Variants in ANKRD29 observed in about 807,000 individuals in gnomAD.
ANKRD29 encodes ankyrin repeat domain-containing protein 29.
Under a neutral mutation model 38.0 loss-of-function variants are expected in ANKRD29, and 32 were observed. The ratio of observed to expected loss-of-function variants is 0.84; its 90% confidence interval spans 0.64 to 1.13. The LOEUF is 1.13. Ranked by LOEUF, ANKRD29 falls within the 50% of genes most tolerant of loss-of-function variation. The pLI is 0.00. For synonymous variants in ANKRD29, 135 were observed against 152.4 expected (o/e 0.89, Z 0.84); for missense variants, 357 against 377.9 (o/e 0.94, Z 0.46).
In ANKRD29 at chr18:23,619,219, A is replaced by C. The variant is rs73967125; in HGVS notation, c.627+312T>G. On this transcript the variant is annotated intron_variant, in intron 7 of 9. Transcript: ENST00000592179. ...GCAGCACCAGCCAGGGGATCCCCCT[A>C]GGACACGCCCCAGGACAGCCGGGAG... 3.8e-3 allele frequency among the ~76,000 whole-genome samples: 571 copies of C among 152,242 alleles called. 5 individuals carry two copies. Among genetic ancestry groups the C allele is most frequent in the African/African-American group, 0.013 (546 of 41,566 alleles).
At chr18:23,646,382 GA>G in intron 2 of ANKRD29, 95 bp from the exon 3 acceptor site, 1 of 1,093,936 alleles carries the variant, frequency 9.1e-7, no homozygotes, top group Non-Finnish European at 1.3e-6. Flanking sequence ...GCTCCACTCA[GA>G]ACACATCCAA....
In ANKRD29 at chr18:23,601,174, T is replaced by C; in HGVS notation, c.*52A>G. ...CAACACTGCTTGAAATGCAATTTCTTTTTGGACAATGTGGTTAAGCTTTCT... is the reference window on the plus strand; with the variant it reads ...CAACACTGCTTGAAATGCAATTTCTCTTTGGACAATGTGGTTAAGCTTTCT... On this transcript the variant is annotated 3_prime_UTR_variant, in exon 10 of 10. Transcript: ENST00000592179. The C allele has an allele frequency of 1.3e-6, 2 of 1,526,224 alleles. No individual in the cohort carries two copies. The highest frequency in any genetic ancestry group is 1.8e-6 in the Non-Finnish European group (2 of 1,109,628). 94.5% of individuals were successfully genotyped at this position (1,526,224 alleles called of 1,614,324 possible). A position where few individuals can be genotyped will look rare whatever the true frequency, so the allele number is the denominator to read the frequency against.
chr18:23,641,717 C>A (rs12956844), intron 3 of ANKRD29, among the ~76,000 whole-genome samples: 1 of 152,250 alleles, frequency 6.6e-6, no homozygotes, highest in African/African-American at 2.4e-5. Context: ...TCCCTCCTTT[C>A]TGAGCCCATA....
At chr18:23,659,398 T>C (rs1228965998) in intron 1 of ANKRD29, among the ~76,000 whole-genome samples, 1 of 152,246 alleles carries the variant, frequency 6.6e-6, no homozygotes, top group Non-Finnish European at 1.5e-5. Flanking sequence ...TTTCCATTTC[T>C]CTTGGGTATA....
At chr18:23,655,670 G>A (rs1013093926) in intron 1 of ANKRD29, among the ~76,000 whole-genome samples, 2 of 151,712 alleles carry the variant, frequency 1.3e-5, no homozygotes, top group Admixed American at 6.6e-5. Context: ...GGCCAGAATG[G>A]TCTTGAACTC....
intron 6 of ANKRD29, among the ~76,000 whole-genome samples, chr18:23,622,193 G>A (rs1311474979): frequency 6.6e-6 from 1 of 152,178 alleles, no homozygotes; most frequent in East Asian, 1.9e-4. Context: ...TGTGAGAAAG[G>A]GGAAGGGTCG....
At position 23,629,928 on chromosome 18, in the gene ANKRD29, T is replaced by C; in HGVS notation, c.453A>G (p.Leu151=). ...CATCCAAGTAACCACCTTGGGCAGCTAGGAAGAGGGCAGTGGCTCCATCCT... is the reference window on the plus strand; with the variant it reads ...CATCCAAGTAACCACCTTGGGCAGCCAGGAAGAGGGCAGTGGCTCCATCCT... ...QLYDGATALF[L]AAQGGYLDVI... Residue 151 remains leucine, a synonymous_variant, in exon 6 of 10, where the codon CTA becomes CTG. Coordinates refer to ENST00000592179, the MANE Select transcript of ANKRD29 (RefSeq NM_173505.4). 6.2e-7 allele frequency: 1 copy of C among 1,614,142 alleles called. No individual in the cohort carries two copies. Among genetic ancestry groups the C allele is most frequent in the South Asian group, 1.1e-5 (1 of 91,068 alleles).
intron 6 of ANKRD29, among the ~76,000 whole-genome samples, chr18:23,621,445 C>T (rs2059796319): frequency 6.7e-6 from 1 of 149,742 alleles, no homozygotes; most frequent in Admixed American, 6.7e-5. Flanking sequence ...ATGTTGGGAC[C>T]TGTCTTGGGA....
intron 3 of ANKRD29, among the ~76,000 whole-genome samples, chr18:23,644,758 T>C (rs1181922465): frequency 1.3e-5 from 2 of 152,206 alleles, no homozygotes; most frequent in Non-Finnish European, 2.9e-5. Context: ...TTGCCTAGGC[T>C]GGTAGTACAA....
chr18:23,633,788 C>T (rs1375626696), intron 5 of ANKRD29, among the ~76,000 whole-genome samples: 2 of 152,084 alleles, frequency 1.3e-5, no homozygotes, highest in African/African-American at 4.8e-5. Context: ...CCAGGCTGGT[C>T]TCGAACTCCT....
chr18:23,659,107 C>G lies in ANKRD29; in HGVS notation c.21+3603G>C, dbSNP rs575239368. On this transcript the variant is annotated intron_variant, in intron 1 of 9. Coordinates refer to ENST00000592179, the MANE Select transcript of ANKRD29 (RefSeq NM_173505.4). Reference sequence around the variant, plus strand: ...AGTGATTTTCCTGCCTCAGCCTCCCCAGTAGCTGGGATTACAGGCACCTGC... The same window carrying G: ...AGTGATTTTCCTGCCTCAGCCTCCCGAGTAGCTGGGATTACAGGCACCTGC... Among the ~76,000 whole-genome samples the G allele has an allele frequency of 5.9e-5, 9 of 152,270 alleles. No individual in the cohort carries two copies. The East Asian group carries it at 9.7e-4, about 16-fold the overall frequency.
At position 23,652,584 on chromosome 18, in the gene ANKRD29, A is replaced by G. The variant is rs184160903; in HGVS notation, c.22-3391T>C. Reference sequence around the variant, plus strand: ...CTGGATAACTTCCAAATCTCCTCTCAGTATGATATGCACACAATCATAAAT... The same window carrying G: ...CTGGATAACTTCCAAATCTCCTCTCGGTATGATATGCACACAATCATAAAT... On this transcript the variant is annotated intron_variant, in intron 1 of 9. Transcript: ENST00000592179. 3.0e-3 allele frequency among the ~76,000 whole-genome samples: 452 copies of G among 152,306 alleles called. 3 individuals are homozygous for G. The highest frequency in any genetic ancestry group is 0.01 in the African/African-American group (435 of 41,556).
At chr18:23,618,260 C>T (rs2059748980) in intron 7 of ANKRD29, among the ~76,000 whole-genome samples, 1 of 152,194 alleles carries the variant, frequency 6.6e-6, no homozygotes, top group South Asian at 2.1e-4. Context: ...TACAGCCTTG[C>T]CCTAGTCTGC....
intron 4 of ANKRD29, among the ~76,000 whole-genome samples, chr18:23,638,105 C>T (rs1435816057): frequency 7.0e-6 from 1 of 142,518 alleles, no homozygotes; most frequent in Non-Finnish European, 1.5e-5. Flanking sequence ...TCAAGTGATT[C>T]TCCTACCTCA....
At position 23,617,764 on chromosome 18, in the gene ANKRD29, G is replaced by A; in HGVS notation, c.691C>T (p.Leu231Phe). 3 of 1,614,020 alleles carry A rather than the reference G, an allele frequency of 1.9e-6. No individual in the cohort carries two copies. Among genetic ancestry groups the A allele is most frequent in the Non-Finnish European group, 1.7e-6 (2 of 1,179,944 alleles). ...KGYNDVIKEL[L>F]KFSPTLGILK... is the part of the protein sequence containing the mutation. The stretch of plus-strand genomic sequence containing the variant: ...ATACCAAGAGTGGGTGAGAATTTAA[G>A]CAACTCTTTTATGACATCATTATAC... The change falls in exon 8 of 10, where the codon CTT (leucine) becomes TTT (phenylalanine). Residue 231 changes from leucine to phenylalanine, a missense_variant. Leu to Phe is a conservative substitution (Grantham distance 22, BLOSUM62 0). Coordinates refer to ENST00000592179, the MANE Select transcript of ANKRD29 (RefSeq NM_173505.4).
At position 23,619,238 on chromosome 18, in the gene ANKRD29, CCGGGAGGCCCCCAGGACAGG is replaced by C. The variant is rs555894716; in HGVS notation, c.627+273_627+292del. Among the ~76,000 whole-genome samples, 980 of 151,784 alleles carry C rather than the reference CCGGGAGGCCCCCAGGACAGG, an allele frequency of 6.5e-3. 3 individuals are homozygous for C. Among genetic ancestry groups the C allele is most frequent in the Non-Finnish European group, 9.2e-3 (625 of 67,944 alleles). ...CCCCCTAGGACACGCCCCAGGACAG[CCGGGAGGCCCCCAGGACAGG>C]CGGGAGGCCCCCAGGACAGGCGGGA... On this transcript the variant is annotated intron_variant, in intron 7 of 9. Transcript: ENST00000592179.
chr18:23,627,702 G>C (rs1346591597), intron 6 of ANKRD29, among the ~76,000 whole-genome samples: 1 of 152,158 alleles, frequency 6.6e-6, no homozygotes, highest in East Asian at 1.9e-4. Flanking sequence ...CTAATAGAGA[G>C]ACTTGATAAT....
At chr18:23,653,159 T>C (rs1370010697) in intron 1 of ANKRD29, among the ~76,000 whole-genome samples, 1 of 152,220 alleles carries the variant, frequency 6.6e-6, no homozygotes, top group Non-Finnish European at 1.5e-5. Context: ...GTGCACTCTA[T>C]GATGTTTGCG....
rs1401229766 is a variant in ANKRD29, at chr18:23,630,960, C to A, written c.430-1009G>T. ...CCAGGCTTAGGGAACAAAGTGAGAC[C>A]CTGTCTCAAAAAAAAAAAAAAAGAA... On this transcript the variant is annotated intron_variant, in intron 5 of 9. Coordinates refer to ENST00000592179, the MANE Select transcript of ANKRD29 (RefSeq NM_173505.4). 8.0e-5 allele frequency among the ~76,000 whole-genome samples: 10 copies of A among 124,978 alleles called. No homozygotes were observed. The East Asian group carries it at 2.1e-3, about 27-fold the overall frequency. The allele number at this position is 124,978 out of a possible 152,430, so 82.0% of individuals were successfully genotyped here.
Sources: gnomAD v4.1 joint callset for allele counts (sites outside exome capture counted in the v4.1 genomes callset) on GRCh38, gnomAD v4.1.1 for gene constraint, MANE v1.5 for transcripts, NCBI Gene and HGNC (gene_info 2026-07-23, HGNC 2026-07-21) for gene names.